The following ADAM23 variants were observed in gnomAD, a reference collection of about 807,000 sequenced individuals.
ADAM23 encodes the protein ADAM metallopeptidase domain 23, also known as disintegrin and metalloproteinase domain-containing protein 23.
Under a neutral mutation model 120.1 loss-of-function variants are expected in ADAM23, and 33 were observed. The ratio of observed to expected loss-of-function variants is 0.27; its 90% CI spans 0.21 to 0.37. The LOEUF (loss-of-function observed/expected upper bound fraction) is 0.37, where lower values mean the gene tolerates loss of function less well. Among genes scored for constraint, ADAM23 ranks in the 10% least tolerant of loss-of-function variants. The pLI is 1.00. For synonymous variants in ADAM23, 367 were observed against 375.2 expected, an observed-to-expected ratio of 0.98 and a Z score of 0.25; for missense variants, 862 against 1,058.2, an observed-to-expected ratio of 0.81 and a Z score of 2.57.
At chr2:206,539,333 T>G (rs1302097507) in intron 4 of ADAM23, among the ~76,000 whole-genome samples, 1 of 152,196 alleles carries the variant, frequency 6.6e-6, no homozygotes, top group African/African-American at 2.4e-5. Flanking sequence ...GAGACTTGTG[T>G]CATGGGCTGA....
At chr2:206,531,023 GT>G in intron 4 of ADAM23, 75 bp downstream of exon 4, 2 of 1,187,436 alleles carry the variant, frequency 1.7e-6, no homozygotes, top group Non-Finnish European at 2.4e-6. Flanking sequence ...ACACTGCGTT[GT>G]TTTGACGTCT....
intron 3 of ADAM23, among the ~76,000 whole-genome samples, chr2:206,517,517 T>G (rs1455367374): frequency 6.6e-6 from 1 of 152,178 alleles, no homozygotes; most frequent in African/African-American, 2.4e-5. Flanking sequence ...GTGGATGCAA[T>G]GTGGTGCCTG....
intron 2 of ADAM23, among the ~76,000 whole-genome samples, chr2:206,477,477 A>G (rs1334055570): frequency 6.6e-6 from 1 of 152,102 alleles, no homozygotes; most frequent in Non-Finnish European, 1.5e-5. Flanking sequence ...TTGTTGTGAA[A>G]TGATGTTCTT....
chr2:206,482,242 C>G (rs1350119339), intron 3 of ADAM23, among the ~76,000 whole-genome samples: 1 of 152,152 alleles, frequency 6.6e-6, no homozygotes, highest in Non-Finnish European at 1.5e-5. Context: ...GTTATTGCAG[C>G]TTTAAGTCAG....
intron 15 of ADAM23, among the ~76,000 whole-genome samples, chr2:206,570,097 C>G (rs34830055): frequency 0.096 from 14,680 of 152,172 alleles, 762 homozygotes; most frequent in Middle Eastern, 0.14. Flanking sequence ...CAAGCAAGTT[C>G]ATGGCACCAG....
chr2:206,546,250 A>T (rs372005466), intron 6 of ADAM23, among the ~76,000 whole-genome samples: 41 of 152,298 alleles, frequency 2.7e-4, no homozygotes, highest in African/African-American at 8.7e-4. Flanking sequence ...TCGATTTTTT[A>T]AATTGTGTTG....
intron 25 of ADAM23, among the ~76,000 whole-genome samples, chr2:206,614,512 G>A (rs1174526023): frequency 6.6e-6 from 1 of 151,994 alleles, no homozygotes; most frequent in East Asian, 1.9e-4. Flanking sequence ...AAAATTAACC[G>A]GGCATGGTGG....
intron 3 of ADAM23, among the ~76,000 whole-genome samples, chr2:206,495,545 C>T (rs1169214793): frequency 2.0e-5 from 3 of 149,546 alleles, no homozygotes; most frequent in Non-Finnish European, 3.0e-5. Flanking sequence ...ACTGCAAAAA[C>T]ATGCCAAATT....
At chr2:206,614,528 G>A (rs149720929) in intron 25 of ADAM23, among the ~76,000 whole-genome samples, 1,607 of 152,040 alleles carry the variant, frequency 0.011, 35 homozygotes, top group African/African-American at 0.036. Context: ...GGTGGTGCAC[G>A]CCTGTAATCC....
intron 9 of ADAM23, among the ~76,000 whole-genome samples, chr2:206,552,709 T>G (rs1291830739): frequency 6.6e-6 from 1 of 152,178 alleles, no homozygotes; most frequent in African/African-American, 2.4e-5. Flanking sequence ...TCACCCAGGC[T>G]GGAGTACAGT....
At chr2:206,481,883 T>G (rs1438702456) in intron 3 of ADAM23, among the ~76,000 whole-genome samples, 2 of 152,244 alleles carry the variant, frequency 1.3e-5, no homozygotes, top group African/African-American at 4.8e-5. Context: ...TGTACAGATG[T>G]CTTTGTACAA....
intron 24 of ADAM23, chr2:206,605,769 C>G: frequency 1.4e-6 from 1 of 702,424 alleles, no homozygotes. Context: ...GTTAAAAAAT[C>G]TCCATTTTCC....
chr2:206,445,780 T>C (rs1466472750), intron 2 of ADAM23, among the ~76,000 whole-genome samples: 5 of 152,230 alleles, frequency 3.3e-5, no homozygotes, highest in African/African-American at 1.2e-4. Flanking sequence ...TTCAGGTACA[T>C]TGGGCACTGA....
chr2:206,594,693 T>G, intron 22 of ADAM23, 44 bp from the exon 23 acceptor site: 4 of 1,608,560 alleles, frequency 2.5e-6, no homozygotes, highest in Non-Finnish European at 3.4e-6. Flanking sequence ...AATGATGTTC[T>G]AAGTGTGGTG....
In ADAM23 at chr2:206,596,394, T is replaced by C. The variant is rs182025767; in HGVS notation, c.2359+232T>C. Among the ~76,000 whole-genome samples the C allele has an allele frequency of 2.8e-3, 430 of 152,362 alleles. 2 individuals are homozygous for C. Among genetic ancestry groups the C allele is most frequent in the African/African-American group, 9.8e-3 (408 of 41,580 alleles). On this transcript the variant is annotated intron_variant, in intron 24 of 25. Transcript: ENST00000264377. ...AACTGAGATTGGGAAGAAGTAAATA[T>C]ACACATTTTCTTTAATACAGTATTC...
At chr2:206,511,384 C>T (rs950096196) in intron 3 of ADAM23, among the ~76,000 whole-genome samples, 1 of 152,142 alleles carries the variant, frequency 6.6e-6, no homozygotes, top group African/African-American at 2.4e-5. Context: ...TTTTCTTTCT[C>T]ATTATGATTC....
chr2:206,465,754 T>G (rs1179861539), intron 2 of ADAM23, among the ~76,000 whole-genome samples: 1 of 152,202 alleles, frequency 6.6e-6, no homozygotes, highest in Non-Finnish European at 1.5e-5. Context: ...CACTGTGAAT[T>G]TTTTTAAAAA....
At chr2:206,589,781 G>C (rs372160155) in intron 21 of ADAM23, among the ~76,000 whole-genome samples, 1 of 152,082 alleles carries the variant, frequency 6.6e-6, no homozygotes, top group East Asian at 1.9e-4. Context: ...GTTCTGACGA[G>C]ATACTTTGCC....
At chr2:206,543,874 T>C (rs868616172) in intron 6 of ADAM23, among the ~76,000 whole-genome samples, 29 of 152,176 alleles carry the variant, frequency 1.9e-4, no homozygotes, top group Admixed American at 4.6e-4. Context: ...GTGAAGTAAC[T>C]CAGGAGTGGA....
Sources: gnomAD v4.1 joint callset for allele counts (sites outside exome capture counted in the v4.1 genomes callset) on GRCh38, gnomAD v4.1.1 for gene constraint, MANE v1.5 for transcripts, NCBI Gene and HGNC (gene_info 2026-07-23, HGNC 2026-07-21) for gene names.